The following DGKB variants were observed in gnomAD, a reference collection of about 807,000 sequenced individuals.
The protein encoded by DGKB is 90 kDa diacylglycerol kinase.
In DGKB, 67 loss-of-function variants were observed where a neutral mutation model predicts 114.3. The observed-to-expected ratio is 0.59, with a 90% CI of 0.48 to 0.72. DGKB has a LOEUF of 0.72. Ranked by LOEUF, DGKB falls within the 30% of genes least tolerant of loss-of-function variation. DGKB has a pLI of 0.00. For missense variants in DGKB, 907 were observed against 975.2 expected, an observed-to-expected ratio of 0.93 and a Z score of 0.93; for synonymous variants, 398 against 323.1, an observed-to-expected ratio of 1.23 and a Z score of -2.49.
Position 14,816,096 on chromosome 7 carries a change from C to T in DGKB, c.70+25098G>A, listed in dbSNP as rs747151289. On this transcript the variant is annotated intron_variant, in intron 2 of 25. Transcript: ENST00000402815. ...CTGTAATCCCAGCACTTTGGGAGGACGAGGCGGGCAGATCACTTGAGGTCA... is the reference window on the plus strand; with the variant it reads ...CTGTAATCCCAGCACTTTGGGAGGATGAGGCGGGCAGATCACTTGAGGTCA... 9.2e-5 allele frequency among the ~76,000 whole-genome samples: 14 copies of T among 152,132 alleles called. No homozygotes were observed. In the South Asian group the frequency reaches 1.0e-3, roughly 11 times the overall value.
intron 20 of DGKB, among the ~76,000 whole-genome samples, chr7:14,493,669 T>G (rs942669927): frequency 6.6e-6 from 1 of 151,820 alleles, no homozygotes; most frequent in Non-Finnish European, 1.5e-5. Flanking sequence ...GGTGGGGAGG[T>G]CCAGGGACGG....
At chr7:14,733,009 T>G (rs1336810694) in intron 5 of DGKB, among the ~76,000 whole-genome samples, 1 of 152,198 alleles carries the variant, frequency 6.6e-6, no homozygotes, top group Non-Finnish European at 1.5e-5. Flanking sequence ...TAGAATTAAA[T>G]ACAGGACAAC....
At chr7:14,584,875 G>T (rs950888148) in intron 17 of DGKB, among the ~76,000 whole-genome samples, 1 of 151,998 alleles carries the variant, frequency 6.6e-6, no homozygotes, top group Middle Eastern at 3.2e-3. Flanking sequence ...GGCCAGGCTG[G>T]TCTCATACTG....
chr7:14,166,754 T>G (rs1381016380), intron 25 of DGKB, among the ~76,000 whole-genome samples: 5 of 150,826 alleles, frequency 3.3e-5, no homozygotes, highest in African/African-American at 1.2e-4. Flanking sequence ...GTTTTTAGTT[T>G]TTTTCTCTAC....
intron 23 of DGKB, among the ~76,000 whole-genome samples, chr7:14,243,148 A>G (rs1793936129): frequency 6.6e-6 from 1 of 152,136 alleles, no homozygotes; most frequent in Non-Finnish European, 1.5e-5. Context: ...GAGAGGTAGG[A>G]AAAGAAAAAA....
intron 23 of DGKB, among the ~76,000 whole-genome samples, chr7:14,272,898 T>C (rs1798471135): frequency 6.6e-6 from 1 of 152,204 alleles, no homozygotes; most frequent in African/African-American, 2.4e-5. Flanking sequence ...ATGTGTAGGT[T>C]TGCATGTTGA....
intron 21 of DGKB, among the ~76,000 whole-genome samples, chr7:14,370,377 T>G (rs1270756952): frequency 6.6e-6 from 1 of 152,192 alleles, no homozygotes; most frequent in East Asian, 1.9e-4. Context: ...CTAGCTTTGT[T>G]ATTTTTGCTT....
chr7:14,382,379 G>GT (rs34862681), intron 21 of DGKB, among the ~76,000 whole-genome samples: 552 of 147,234 alleles, frequency 3.7e-3, no homozygotes, highest in Middle Eastern at 0.028. Flanking sequence ...CAAATACATA[G>GT]TTTTTTTTTT....
At chr7:14,921,136 T>G (rs779359339) in intron 1 of DGKB, among the ~76,000 whole-genome samples, 5 of 152,064 alleles carry the variant, frequency 3.3e-5, no homozygotes, top group Non-Finnish European at 7.4e-5. Context: ...ACTAGAGAGA[T>G]AGTAAAATAA....
intron 23 of DGKB, among the ~76,000 whole-genome samples, chr7:14,179,748 G>A (rs1782363140): frequency 6.6e-6 from 1 of 152,154 alleles, no homozygotes; most frequent in Non-Finnish European, 1.5e-5. Context: ...ACTTTTAAGT[G>A]AATAATAAAA....
chr7:14,375,773 C>T (rs183071336), intron 21 of DGKB, among the ~76,000 whole-genome samples: 5 of 152,304 alleles, frequency 3.3e-5, no homozygotes, highest in African/African-American at 4.8e-5. Flanking sequence ...TTGCCTCTCT[C>T]CTCTGAAAGA....
At chr7:14,660,556 G>T (rs551716652) in intron 13 of DGKB, among the ~76,000 whole-genome samples, 1 of 151,710 alleles carries the variant, frequency 6.6e-6, no homozygotes, top group Non-Finnish European at 1.5e-5. Flanking sequence ...CTGTGGGATC[G>T]GTGGTGATAT....
At chr7:14,695,666 AT>A (rs773073529) in intron 8 of DGKB, among the ~76,000 whole-genome samples, 15 of 151,724 alleles carry the variant, frequency 9.9e-5, no homozygotes, top group East Asian at 9.8e-4. Context: ...CGCCCGGCTG[AT>A]TTTTTTTGTG....
At chr7:14,834,944 A>G (rs971836055) in intron 2 of DGKB, among the ~76,000 whole-genome samples, 1 of 152,162 alleles carries the variant, frequency 6.6e-6, no homozygotes, top group Non-Finnish European at 1.5e-5. Flanking sequence ...AAACTTAGGT[A>G]TTGAAAGATT....
intron 1 of DGKB, among the ~76,000 whole-genome samples, chr7:14,861,297 G>A (rs951916548): frequency 6.6e-6 from 1 of 150,516 alleles, no homozygotes; most frequent in Admixed American, 6.6e-5. Flanking sequence ...TTACTACATA[G>A]ATTTTTTGAG....
chr7:14,904,077 G>T (rs540260608), upstream of DGKB, among the ~76,000 whole-genome samples: 4 of 152,168 alleles, frequency 2.6e-5, no homozygotes, highest in African/African-American at 9.6e-5. Context: ...ATGACATTCG[G>T]CAGAACTTAG....
At chr7:14,581,120 A>G (rs1317899644) in intron 18 of DGKB, among the ~76,000 whole-genome samples, 169 bp from the exon 19 acceptor site, 5 of 152,232 alleles carry the variant, frequency 3.3e-5, no homozygotes. Context: ...GATAATTTGT[A>G]TACATTTGTA....
chr7:14,907,556 A>C (rs1783775122), upstream of DGKB, among the ~76,000 whole-genome samples: 2 of 152,204 alleles, frequency 1.3e-5, no homozygotes, highest in African/African-American at 4.8e-5. Context: ...TACGTGCATG[A>C]ACACACACAC....
intron 21 of DGKB, among the ~76,000 whole-genome samples, chr7:14,378,517 A>T (rs969088163): frequency 6.6e-6 from 1 of 152,200 alleles, no homozygotes; most frequent in African/African-American, 2.4e-5. Context: ...TTATTTAAAA[A>T]ATTTGTGGAT....
Sources: allele counts gnomAD v4.1 joint callset (sites outside exome capture counted in the v4.1 genomes callset), GRCh38; gene constraint gnomAD v4.1.1; transcripts MANE v1.5; gene names NCBI Gene and HGNC (gene_info 2026-07-23, HGNC 2026-07-21).